Variants in LRRC4C observed in about 807,000 individuals in gnomAD.
LRRC4C encodes leucine rich repeat containing 4C, also known as leucine-rich repeat-containing protein 4C.
LRRC4C carries 5 observed loss-of-function variants against 33.6 expected under a neutral mutation model. The observed-to-expected ratio is 0.15, with a 90% CI of 0.08 to 0.31. LRRC4C has a LOEUF of 0.31. Ranked by LOEUF, LRRC4C falls within the 10% of genes least tolerant of loss-of-function variation. The probability of loss-of-function intolerance (pLI) is 1.00; values close to 1 mark genes in which losing one functional copy is unlikely to be tolerated. For synonymous variants in LRRC4C, 329 were observed against 302.0 expected (o/e 1.09, Z -0.93); for missense variants, 560 against 796.7 (o/e 0.70, Z 3.58).
At chr11:41,027,093 A>T (rs1228932479) in intron 1 of LRRC4C, among the ~76,000 whole-genome samples, 5 of 151,720 alleles carry the variant, frequency 3.3e-5, no homozygotes, top group African/African-American at 1.2e-4. Context: ...ATAATAATGT[A>T]GCAAGTGCCT....
At chr11:41,009,753 C>A (rs745425549) in intron 1 of LRRC4C, among the ~76,000 whole-genome samples, 1 of 151,918 alleles carries the variant, frequency 6.6e-6, no homozygotes, top group Admixed American at 6.6e-5. Flanking sequence ...TGACTACTAC[C>A]CTTTTGGAGA....
At chr11:40,203,558 A>T (rs1862924571) in intron 5 of LRRC4C, among the ~76,000 whole-genome samples, 1 of 152,230 alleles carries the variant, frequency 6.6e-6, no homozygotes, top group Non-Finnish European at 1.5e-5. Flanking sequence ...CTCACAATTT[A>T]TTAGCAGTGC....
At chr11:40,791,605 C>T (rs779985082) in intron 2 of LRRC4C, among the ~76,000 whole-genome samples, 54 of 152,156 alleles carry the variant, frequency 3.5e-4, no homozygotes, top group Non-Finnish European at 6.6e-4. Flanking sequence ...GAAAGACTTA[C>T]TAGTGAGTGA....
chr11:41,049,246 A>C (rs1858024830), intron 1 of LRRC4C, among the ~76,000 whole-genome samples: 1 of 152,090 alleles, frequency 6.6e-6, no homozygotes, highest in South Asian at 2.1e-4. Context: ...TGGTTTTATA[A>C]GGGGTTTCCT....
intron 4 of LRRC4C, among the ~76,000 whole-genome samples, chr11:40,268,061 C>T (rs1427763438): frequency 6.6e-6 from 1 of 152,114 alleles, no homozygotes; most frequent in Non-Finnish European, 1.5e-5. Context: ...CGTACAGCTC[C>T]CGAGTTAGGT....
intron 5 of LRRC4C, among the ~76,000 whole-genome samples, chr11:40,191,469 G>T (rs546906296): frequency 1.3e-5 from 2 of 152,156 alleles, no homozygotes; most frequent in East Asian, 3.9e-4. Flanking sequence ...GCATGATTGT[G>T]GCAATTCCCA....
rs541265335 is a variant in LRRC4C at position 40,883,167 on chromosome 11, C to A, written c.-407+50468G>T. On this transcript the variant is annotated intron_variant, in intron 2 of 6. Transcript: ENST00000528697. ...GCCTTCCACACTAAAGATAACCAGG[C>A]TTACTTTTTTTATTTTATCATCTTC... Among the ~76,000 whole-genome samples, 50 of 152,132 alleles carry A rather than the reference C, an allele frequency of 3.3e-4. No homozygotes were observed. In the Middle Eastern group the frequency reaches 0.01, roughly 31 times the overall value.
chr11:40,730,155 T>C (rs1317673085), intron 2 of LRRC4C, among the ~76,000 whole-genome samples: 1 of 152,122 alleles, frequency 6.6e-6, no homozygotes, highest in Admixed American at 6.5e-5. Flanking sequence ...TAATGCTAGA[T>C]GACAAGTTAG....
intron 1 of LRRC4C, among the ~76,000 whole-genome samples, chr11:41,028,981 C>T (rs1381537577): frequency 1.3e-5 from 2 of 151,676 alleles, no homozygotes; most frequent in Non-Finnish European, 3.0e-5. Context: ...TATGTATATA[C>T]ATTCACGTAT....
chr11:40,380,210 G>A (rs186519548), intron 3 of LRRC4C, among the ~76,000 whole-genome samples: 2 of 152,272 alleles, frequency 1.3e-5, no homozygotes, highest in African/African-American at 2.4e-5. Flanking sequence ...AGGAAAACAA[G>A]TGAAACAGGC....
At chr11:41,117,962 G>T (rs10768665) in intron 1 of LRRC4C, among the ~76,000 whole-genome samples, 59,051 of 151,998 alleles carry the variant, frequency 0.39, 12,762 homozygotes, top group Middle Eastern at 0.53. Flanking sequence ...CTGTGGTAAA[G>T]GTGAACATTT....
At chr11:41,141,198 G>T (rs1300587367) in intron 1 of LRRC4C, among the ~76,000 whole-genome samples, 1 of 152,028 alleles carries the variant, frequency 6.6e-6, no homozygotes, top group Non-Finnish European at 1.5e-5. Context: ...CTAGAACCAG[G>T]TTTTTAAAAT....
chr11:40,643,295 T>C (rs565701740), intron 3 of LRRC4C, among the ~76,000 whole-genome samples: 2 of 152,246 alleles, frequency 1.3e-5, no homozygotes, highest in African/African-American at 4.8e-5. Context: ...CACCCATACA[T>C]AAGAGAAAAA....
At chr11:41,226,206 C>T (rs1947527006) in intron 1 of LRRC4C, among the ~76,000 whole-genome samples, 1 of 152,064 alleles carries the variant, frequency 6.6e-6, no homozygotes, top group African/African-American at 2.4e-5. Context: ...CTCTATGGAC[C>T]TTTCATGACT....
intron 1 of LRRC4C, among the ~76,000 whole-genome samples, chr11:41,291,621 G>T (rs1228968683): frequency 6.6e-6 from 1 of 152,094 alleles, no homozygotes; most frequent in African/African-American, 2.4e-5. Flanking sequence ...CATACTGGAA[G>T]AATGTTTTTC....
intron 1 of LRRC4C, among the ~76,000 whole-genome samples, chr11:41,415,352 T>C (rs1429360808): frequency 6.6e-6 from 1 of 152,100 alleles, no homozygotes; most frequent in Non-Finnish European, 1.5e-5. Flanking sequence ...GGTTTGCCTC[T>C]TCATAGTAAA....
intron 2 of LRRC4C, among the ~76,000 whole-genome samples, chr11:40,732,292 C>G (rs917038284): frequency 3.9e-5 from 6 of 152,024 alleles, no homozygotes; most frequent in Admixed American, 1.3e-4. Context: ...CAAGGAGGTA[C>G]AATAATTGGA....
At chr11:41,026,436 T>A (rs1349873771) in intron 1 of LRRC4C, among the ~76,000 whole-genome samples, 1 of 151,476 alleles carries the variant, frequency 6.6e-6, no homozygotes, top group African/African-American at 2.4e-5. Flanking sequence ...TAATGAGAAG[T>A]TGCTTCTTAC....
At chr11:40,561,989 T>C (rs1371806792) in intron 3 of LRRC4C, among the ~76,000 whole-genome samples, 9 of 152,214 alleles carry the variant, frequency 5.9e-5, no homozygotes, top group African/African-American at 2.2e-4. Flanking sequence ...AGTTATTAGA[T>C]ATTATATTGA....
Sources: allele counts gnomAD v4.1 joint callset (sites outside exome capture counted in the v4.1 genomes callset), GRCh38; gene constraint gnomAD v4.1.1; transcripts MANE v1.5; gene names NCBI Gene and HGNC (gene_info 2026-07-23, HGNC 2026-07-21).